Variants in UTS2 observed in about 807,000 individuals in gnomAD.
UTS2 encodes urotensin-2.
A neutral mutation model predicts 12.6 loss-of-function variants in UTS2; 10 were observed. The observed-to-expected ratio is 0.80, with a 90% CI of 0.49 to 1.35. The LOEUF is 1.35. Among genes scored for constraint, UTS2 ranks in the 40% most tolerant of loss-of-function variants. UTS2 has a pLI of 0.00. For synonymous variants in UTS2, 52 were observed against 50.0 expected (o/e 1.04, Z -0.17); for missense variants, 142 against 143.2 (o/e 0.99, Z 0.04).
the UTS2 span, among the ~76,000 whole-genome samples, chr1:7,894,894 G>A: frequency 1.9e-4 from 29 of 152,194 alleles, no homozygotes; most frequent in African/African-American, 6.3e-4. Flanking sequence ...TCACACCACC[G>A]CATTCCAGCC....
At chr1:7,875,369 C>T in the UTS2 span, among the ~76,000 whole-genome samples, 17 of 152,318 alleles carry the variant, frequency 1.1e-4, no homozygotes, top group South Asian at 1.2e-3. Context: ...TCACGGCGCC[C>T]GGCCAATTTC....
At chr1:7,892,099 C>T in the UTS2 span, among the ~76,000 whole-genome samples, 2 of 152,226 alleles carry the variant, frequency 1.3e-5, no homozygotes, top group Non-Finnish European at 2.9e-5. Context: ...GTAGCTGTAG[C>T]TCCGTTGTGC....
chr1:7,882,061 G>A, the UTS2 span, among the ~76,000 whole-genome samples: 14,041 of 152,176 alleles, frequency 0.092, 1,047 homozygotes, highest in African/African-American at 0.19. Flanking sequence ...GTGTCCAGGC[G>A]TGGTGGCATA....
the UTS2 span, among the ~76,000 whole-genome samples, chr1:7,873,695 G>A: frequency 2.0e-5 from 3 of 152,200 alleles, no homozygotes; most frequent in African/African-American, 4.8e-5. Context: ...GGTTTCTTGA[G>A]ATGGAATCTG....
At chr1:7,856,741 C>T (rs1037809144), upstream of UTS2, among the ~76,000 whole-genome samples, 18 of 152,292 alleles carry the variant, frequency 1.2e-4, no homozygotes, top group African/African-American at 1.9e-4. Context: ...CGGAACCTAA[C>T]GTCCAAGAGA....
the UTS2 span, among the ~76,000 whole-genome samples, chr1:7,877,259 A>G: frequency 3.9e-5 from 6 of 152,228 alleles, no homozygotes; most frequent in South Asian, 1.2e-3. Context: ...GACTCCAATG[A>G]AAAAGAGATC....
the UTS2 span, among the ~76,000 whole-genome samples, chr1:7,877,378 G>A: frequency 5.9e-5 from 9 of 151,964 alleles, no homozygotes; most frequent in Admixed American, 4.6e-4. Context: ...ATCTGAATGC[G>A]AAATTCAACA....
upstream of UTS2, among the ~76,000 whole-genome samples, chr1:7,858,380 G>A (rs977617726): frequency 6.6e-6 from 1 of 152,218 alleles, no homozygotes; most frequent in Admixed American, 6.5e-5. Context: ...CTTCTGAAAA[G>A]AGAGGGGCAT....
the UTS2 span, among the ~76,000 whole-genome samples, chr1:7,894,835 C>T: frequency 5.3e-5 from 8 of 151,868 alleles, no homozygotes; most frequent in East Asian, 2.0e-4. Context: ...AAAAATTAGC[C>T]GGGAGTGGTG....
At chr1:7,909,547 A>T in the UTS2 span, among the ~76,000 whole-genome samples, 2 of 16,834 alleles carry the variant, frequency 1.2e-4, no homozygotes, top group South Asian at 0.038. Context: ...ACTCTGTCTC[A>T]AAAAAAAAAA....
chr1:7,904,731 C>G, the UTS2 span, among the ~76,000 whole-genome samples: 1 of 151,704 alleles, frequency 6.6e-6, no homozygotes, highest in African/African-American at 2.4e-5. Flanking sequence ...ATGGTGAAAC[C>G]CTGTCTCTAC....
chr1:7,905,914 C>T, the UTS2 span, among the ~76,000 whole-genome samples: 1 of 151,042 alleles, frequency 6.6e-6, no homozygotes, highest in East Asian at 2.0e-4. Flanking sequence ...CAGTGTCTTG[C>T]CGGGTGAGGG....
the UTS2 span, among the ~76,000 whole-genome samples, chr1:7,875,212 C>A: frequency 1.3e-5 from 2 of 151,974 alleles, no homozygotes; most frequent in Non-Finnish European, 1.5e-5. Flanking sequence ...GTAGCTGGGA[C>A]TACAGGCGCC....
At chr1:7,889,894 G>A in the UTS2 span, among the ~76,000 whole-genome samples, 3 of 151,990 alleles carry the variant, frequency 2.0e-5, no homozygotes, top group Non-Finnish European at 4.4e-5. Flanking sequence ...GTGAAACCCC[G>A]TCTCTATTAA....
At chr1:7,898,995 G>A in the UTS2 span, among the ~76,000 whole-genome samples, 2 of 152,174 alleles carry the variant, frequency 1.3e-5, no homozygotes, top group Admixed American at 1.3e-4. Context: ...CAGGAAGCAT[G>A]GCTGGGGAGG....
chr1:7,862,363 G>A, the UTS2 span, among the ~76,000 whole-genome samples: 4 of 152,130 alleles, frequency 2.6e-5, no homozygotes, highest in Middle Eastern at 6.8e-3. Context: ...TACTGTTGCT[G>A]TAAGAGAATA....
At chr1:7,872,172 G>A in the UTS2 span, among the ~76,000 whole-genome samples, 18 of 151,510 alleles carry the variant, frequency 1.2e-4, no homozygotes, top group East Asian at 5.8e-4. Flanking sequence ...GTGGTGGCAC[G>A]CGCCTATAGT....
chr1:7,858,923 G>C, the UTS2 span, among the ~76,000 whole-genome samples: 1 of 152,136 alleles, frequency 6.6e-6, no homozygotes, highest in Admixed American at 6.5e-5. Context: ...GATTCTCCTC[G>C]GTTGTGGGGA....
At chr1:7,877,126 C>CAAAAAAAAAAAAAAAAA in the UTS2 span, among the ~76,000 whole-genome samples, 1 of 62,808 alleles carries the variant, frequency 1.6e-5, no homozygotes, top group African/African-American at 6.7e-5. Context: ...GAGACTCTAT[C>CAAAAAAAAAAAAAAAAA]AAAAAAAAAA....
Sources: allele counts gnomAD v4.1 joint callset (sites outside exome capture counted in the v4.1 genomes callset), GRCh38; gene constraint gnomAD v4.1.1; transcripts MANE v1.5; gene names NCBI Gene and HGNC (gene_info 2026-07-23, HGNC 2026-07-21).